RUNX1: variants seen among roughly 807,000 people sequenced by gnomAD.
RUNX1 encodes RUNX family transcription factor 1.
A neutral mutation model predicts 42.8 loss-of-function variants in RUNX1; 19 were observed. The ratio of observed to expected loss-of-function variants is 0.44; its 90% CI spans 0.31 to 0.65. The LOEUF is 0.65. Ranked by LOEUF, RUNX1 falls within the 30% of genes least tolerant of loss-of-function variation. The pLI is 0.07. For missense variants in RUNX1, 528 were observed against 672.0 expected, an observed-to-expected ratio of 0.79 and a Z score of 2.37; for synonymous variants, 271 against 289.4, an observed-to-expected ratio of 0.94 and a Z score of 0.64.
At position 34,983,309 on chromosome 21, in the gene RUNX1, T is replaced by C. The variant is rs149419080; in HGVS notation, c.58+65533A>G. Among the ~76,000 whole-genome samples, 937 of 152,296 alleles carry C rather than the reference T, an allele frequency of 6.2e-3. 5 individuals carry two copies. Among genetic ancestry groups the C allele is most frequent in the South Asian group, 0.013 (65 of 4,830 alleles). On this transcript the variant is annotated intron_variant, in intron 2 of 8. Transcript: ENST00000675419. ...AATGAGTCATTCTTTCCAGAGACAA[T>C]GGCCCTTATTTCTCTCAAACTCTTA...
intron 5 of RUNX1, among the ~76,000 whole-genome samples, chr21:34,868,891 T>C (rs923023781): frequency 6.6e-6 from 1 of 152,132 alleles, no homozygotes; most frequent in Non-Finnish European, 1.5e-5. Flanking sequence ...GTAAATGACC[T>C]TGGGGGGTGG....
chr21:34,840,795 G>A (rs150438649), intron 6 of RUNX1, among the ~76,000 whole-genome samples: 27 of 152,262 alleles, frequency 1.8e-4, no homozygotes, highest in African/African-American at 6.3e-4. Context: ...TCTGCCTCCA[G>A]CTGTTTCATC....
At chr21:34,977,613 A>G (rs1021654268) in intron 2 of RUNX1, among the ~76,000 whole-genome samples, 19 of 152,232 alleles carry the variant, frequency 1.2e-4, no homozygotes, top group Non-Finnish European at 2.8e-4. Flanking sequence ...ATTACAACAT[A>G]TACACATGGA....
At chr21:34,921,633 TC>T (rs2058354663) in intron 2 of RUNX1, among the ~76,000 whole-genome samples, 1 of 55,284 alleles carries the variant, frequency 1.8e-5, no homozygotes, top group African/African-American at 3.2e-5. Flanking sequence ...ATTGACATAA[TC>T]ATTTTTTTTT....
At chr21:34,845,914 T>C (rs1024865187) in intron 6 of RUNX1, among the ~76,000 whole-genome samples, 20 of 152,296 alleles carry the variant, frequency 1.3e-4, no homozygotes, top group African/African-American at 4.8e-4. Context: ...CAAACAGTAT[T>C]AACTTTCAAT....
chr21:34,859,553 A>C lies in RUNX1; in HGVS notation c.534T>G (p.Thr178=), dbSNP rs2146236380. 1 of 1,614,148 alleles carries C rather than the reference A, an allele frequency of 6.2e-7. No homozygotes were observed. Among genetic ancestry groups the C allele is most frequent in the Non-Finnish European group, 8.5e-7 (1 of 1,179,994 alleles). ...GRGKSFTLTI[T]VFTNPPQVAT... is the part of the protein sequence containing the mutation. ...CGACTTGCGGTGGGTTTGTGAAGAC[A>C]GTGATGGTCAGAGTGAAGCTTTTCC... Residue 178 remains threonine, a synonymous_variant, in exon 6 of 9, where the codon ACT becomes ACG. Coordinates refer to ENST00000675419, the MANE Select transcript of RUNX1 (RefSeq NM_001754.5).
chr21:34,852,194 C>G (rs1344587366), intron 6 of RUNX1, among the ~76,000 whole-genome samples: 14 of 151,790 alleles, frequency 9.2e-5, no homozygotes, highest in Admixed American at 8.5e-4. Flanking sequence ...CAAAACAAAA[C>G]AAAACAACAA....
chr21:34,888,935 C>G (rs1006141029), intron 3 of RUNX1, among the ~76,000 whole-genome samples: 1 of 151,598 alleles, frequency 6.6e-6, no homozygotes, highest in African/African-American at 2.4e-5. Context: ...GCATCCAAGC[C>G]TGCATGCTGG....
intron 7 of RUNX1, among the ~76,000 whole-genome samples, chr21:34,811,552 C>T (rs2056759122): frequency 6.6e-6 from 1 of 152,228 alleles, no homozygotes; most frequent in Non-Finnish European, 1.5e-5. Context: ...ATGTGATTCC[C>T]TGGCTGCCCC....
rs2056456909 is a variant in RUNX1, at chr21:34,792,455, T to G, written c.1123A>C (p.Thr375Pro). The G allele has an allele frequency of 6.3e-7, 1 of 1,578,904 alleles. No individual in the cohort carries two copies. Among genetic ancestry groups the G allele is most frequent in the Admixed American group, 1.8e-5 (1 of 54,340 alleles). The change falls in exon 9 of 9, where the codon ACG (threonine) becomes CCG (proline). Residue 375 changes from threonine to proline, a missense_variant. By Grantham distance (38) the Thr-to-Pro change is conservative. Around this residue, in one of 3 missense-constraint regions of RUNX1, gnomAD observed 331 missense variants for 382.5 expected, o/e 0.87. Coordinates refer to ENST00000675419, the MANE Select transcript of RUNX1 (RefSeq NM_001754.5). The surrounding 1 kb of genome is among the most constrained non-coding windows in gnomAD (Gnocchi z 6.9). ...GGCGGCAGGTAGGTGTGGTAGCGCG[T>G]GGCCGAGCCCATGGCCGACATGCCG... ...GIGMSAMGSA[T>P]RYHTYLPPPY...
intron 2 of RUNX1, among the ~76,000 whole-genome samples, chr21:34,908,937 G>C (rs764162613): frequency 8.6e-5 from 13 of 151,272 alleles, no homozygotes; most frequent in South Asian, 2.1e-4. Context: ...TGGTGTGTCT[G>C]TGTGTGTGTG....
chr21:34,909,209 C>A (rs1209396348), intron 2 of RUNX1, among the ~76,000 whole-genome samples: 1 of 152,088 alleles, frequency 6.6e-6, no homozygotes, highest in Non-Finnish European at 1.5e-5. Context: ...CGTGTGCAGT[C>A]CCCATGCTCC....
At chr21:34,877,814 C>T (rs1051480643) in intron 5 of RUNX1, among the ~76,000 whole-genome samples, 2 of 152,288 alleles carry the variant, frequency 1.3e-5, no homozygotes, top group African/African-American at 2.4e-5. Context: ...TTACAATCCC[C>T]ATGGACTGGC....
chr21:34,921,174 G>T (rs2058350989), intron 2 of RUNX1, among the ~76,000 whole-genome samples: 1 of 152,094 alleles, frequency 6.6e-6, no homozygotes, highest in South Asian at 2.1e-4. Context: ...AAAGTGCATA[G>T]TTATGTGGCA....
rs557095471 is a variant in RUNX1, at chr21:34,879,047, T to A, written c.508+1510A>T. Among the ~76,000 whole-genome samples, 213 of 152,336 alleles carry A rather than the reference T, an allele frequency of 1.4e-3. 1 individual carries two copies. Among genetic ancestry groups the A allele is most frequent in the Admixed American group, 3.6e-3 (55 of 15,304 alleles). On this transcript the variant is annotated intron_variant, in intron 5 of 8. Coordinates refer to ENST00000675419, the MANE Select transcript of RUNX1 (RefSeq NM_001754.5). ...TCCACAAGAACTGAATTAAGAGAGT[T>A]AGCTAGGCCGATGGGCATGGACCAG...
At chr21:34,863,735 T>C (rs1341192349) in intron 5 of RUNX1, among the ~76,000 whole-genome samples, 1 of 152,022 alleles carries the variant, frequency 6.6e-6, no homozygotes, top group African/African-American at 2.4e-5. Context: ...TTTGTATTTT[T>C]AGTAGAGATG....
chr21:35,045,384 C>T (rs1568812133), intron 2 of RUNX1, among the ~76,000 whole-genome samples: 1 of 152,130 alleles, frequency 6.6e-6, no homozygotes, highest in African/African-American at 2.4e-5. Flanking sequence ...TGCAGTATGT[C>T]TCCCTAGAAT....
intron 7 of RUNX1, among the ~76,000 whole-genome samples, chr21:34,813,663 C>T (rs549975408): frequency 9.9e-5 from 15 of 152,044 alleles, no homozygotes; most frequent in East Asian, 1.9e-4. Flanking sequence ...CTGAGCTGAC[C>T]GTCGGCTTTG....
chr21:34,947,072 A>G (rs780921107), intron 2 of RUNX1, among the ~76,000 whole-genome samples: 19 of 152,306 alleles, frequency 1.2e-4, no homozygotes, highest in Middle Eastern at 3.4e-3. Context: ...CTGGTCACAC[A>G]TGGCACTCTA....
Sources: allele counts gnomAD v4.1 joint callset (sites outside exome capture counted in the v4.1 genomes callset), GRCh38; gene constraint gnomAD v4.1.1; regional missense constraint gnomAD v4.1.1; non-coding constraint Gnocchi (gnomAD v3.1); transcripts MANE v1.5; gene names NCBI Gene and HGNC (gene_info 2026-07-23, HGNC 2026-07-21).